HELZ2: variants seen among roughly 807,000 people sequenced by gnomAD.
HELZ2 encodes 3'-5' exoribonuclease HELZ2.
A neutral mutation model predicts 208.8 loss-of-function variants in HELZ2; 143 were observed. The ratio of observed to expected loss-of-function variants is 0.68; its 90% CI spans 0.60 to 0.79. The LOEUF is 0.79. Ranked by LOEUF, HELZ2 falls within the 30% of genes least tolerant of loss-of-function variation. The pLI is 0.00. For missense variants in HELZ2, 3,690 were observed against 3,794.5 expected, an observed-to-expected ratio of 0.97 and a Z score of 0.72; for synonymous variants, 1,705 against 1,693.7, an observed-to-expected ratio of 1.01 and a Z score of -0.16.
At chr20:63,558,698 C>T (rs2082841716), downstream of HELZ2, 1 of 152,352 alleles carries the variant, frequency 6.6e-6, no homozygotes, top group Non-Finnish European at 1.5e-5. Flanking sequence ...GCCACCACGC[C>T]CAGCTAATTT....
exon 8 of HELZ2, chr20:63,565,866 C>T (rs570462389): frequency 3.3e-5 from 52 of 1,597,698 alleles, no homozygotes; most frequent in Admixed American, 3.0e-4. Context: ...GCCTGCTCCT[C>T]GGCCAGGTCC....
rs549774081 is a variant in HELZ2, at chr20:63,560,853, C to A, written c.7223G>T (p.Arg2408Leu). 676 of 1,613,288 alleles carry A rather than the reference C, an allele frequency of 4.2e-4. 11 individuals are homozygous for A. The South Asian group carries it at 7.1e-3, about 17-fold the overall frequency. ...CTCGTGGTACCGCTCGAACAGAGAC[C>A]GGTCCAGACCCAGGTTTTGCAGCCG... The change falls in exon 15 of 19, where the codon CGG (arginine) becomes CTG (leucine). Residue 2408 changes from arginine (R) to leucine (L), a missense_variant. Physicochemically the swap from Arg to Leu is moderately radical, Grantham distance 102. Transcript: ENST00000467148.
exon 8 of HELZ2, chr20:63,564,491 C>T (rs761758512): frequency 5.0e-6 from 8 of 1,587,556 alleles, no homozygotes; most frequent in Admixed American, 1.8e-5. Flanking sequence ...GGGTGCAAAG[C>T]GCAGGCTCTT....
exon 16 of HELZ2, chr20:63,560,629 C>T (rs758330744): frequency 6.2e-7 from 1 of 1,610,808 alleles, no homozygotes; most frequent in Non-Finnish European, 8.5e-7. Flanking sequence ...GCGGCCTCCT[C>T]AGGCCCTGCC....
exon 8 of HELZ2, chr20:63,566,085 C>T (rs1275605703): frequency 2.5e-6 from 4 of 1,585,788 alleles, no homozygotes; most frequent in Non-Finnish European, 3.4e-6. Context: ...ACGGCGTCCC[C>T]CACTACCACC....
At chr20:63,565,288 C>G in exon 8 of HELZ2, 1 of 1,605,346 alleles carries the variant, frequency 6.2e-7, no homozygotes, top group Non-Finnish European at 8.5e-7. Context: ...CCTTGTCTCC[C>G]GAAAGGAGCT....
exon 8 of HELZ2, chr20:63,563,634 C>T: frequency 6.5e-7 from 1 of 1,544,030 alleles, no homozygotes; most frequent in Non-Finnish European, 8.7e-7. Flanking sequence ...AGCTGCACGG[C>T]CAGGTGCAGG....
Position 63,569,016 on chromosome 20 carries a change from G to T in HELZ2, c.1089-17C>A. The T allele has an allele frequency of 6.2e-7, 1 of 1,600,364 alleles. No individual in the cohort carries two copies. The highest frequency in any genetic ancestry group is 1.3e-5 in the African/African-American group (1 of 75,028). ...AGGGTCAGCCTGGCAGGATGGCCTG[G>T]GTCAGCTCATGGGGCCACAGCTGCC... On this transcript the variant is annotated splice_polypyrimidine_tract_variant and intron_variant, in intron 4 of 18. Coordinates refer to ENST00000467148, the Ensembl canonical transcript of HELZ2.
chr20:63,566,197 C>T (rs570451457), exon 8 of HELZ2: 3 of 1,514,234 alleles, frequency 2.0e-6, no homozygotes, highest in African/African-American at 1.4e-5. Context: ...GGCAGGTGTG[C>T]ACAGTGCTGA....
At position 63,563,356 on chromosome 20, in the gene HELZ2, G is replaced by A. The variant is rs768783601; in HGVS notation, c.5466C>T (p.Ala1822=). The change falls in exon 8 of 19, where the codon GCC becomes GCT. Residue 1822 remains alanine (A), a synonymous_variant. Coordinates refer to ENST00000467148, the Ensembl canonical transcript of HELZ2. ...GCTGCTTCCACAGGGCCGTCTCCAC[G>A]GCCAGGGTGTGTGGGTCCGGCACAG... 74 of 1,537,812 alleles carry A rather than the reference G, an allele frequency of 4.8e-5. No individual in the cohort carries two copies. The African/African-American group carries it at 6.7e-4, about 14-fold the overall frequency.
At chr20:63,567,436 T>C in exon 6 of HELZ2, 1 of 1,562,602 alleles carries the variant, frequency 6.4e-7, no homozygotes, top group Non-Finnish European at 8.7e-7. Context: ...CACCACGCGG[T>C]GCCGCGCCAG....
At chr20:63,568,312 G>C in intron 5 of HELZ2, 46 bp downstream of exon 6, 1 of 1,423,158 alleles carries the variant, frequency 7.0e-7, no homozygotes, top group South Asian at 1.2e-5. Context: ...GTGTAGACTT[G>C]GGCCGGGCGT....
rs754613670 is a variant in HELZ2, at chr20:63,564,454, C to T, written c.4368G>A (p.Leu1456=). 3 of 1,572,148 alleles carry T rather than the reference C, an allele frequency of 1.9e-6. No homozygotes were observed. The Admixed American group carries it at 5.5e-5, about 29-fold the overall frequency. Residue 1456 remains leucine (L), a synonymous_variant, in exon 8 of 19, where the codon CTG becomes CTA. Transcript: ENST00000467148. ...TCACCTCCTCCGCCTCCTCGTAGGA[C>T]AGCTGGCGGTCAGACTGGACCACGG... is the stretch of plus-strand genomic sequence containing the variant.
chr20:63,570,706 G>T (rs777892019), exon 2 of HELZ2: 2 of 1,590,638 alleles, frequency 1.3e-6, no homozygotes, highest in African/African-American at 2.8e-5. Context: ...CACTGCTGCT[G>T]CGCTGGTACT....
exon 6 of HELZ2, chr20:63,567,567 C>T (rs1425096711): frequency 1.3e-6 from 2 of 1,584,844 alleles, no homozygotes; most frequent in African/African-American, 1.3e-5. Context: ...GAGGAGTGGC[C>T]TCGGGGTGGC....
At chr20:63,567,162 C>T (rs756138675) in exon 6 of HELZ2, 20 of 1,609,664 alleles carry the variant, frequency 1.2e-5, no homozygotes, top group Middle Eastern at 3.3e-4. Context: ...GGCTCTGCCG[C>T]GCCACCTCGT....
At chr20:63,564,125 A>G in exon 8 of HELZ2, 1 of 1,611,466 alleles carries the variant, frequency 6.2e-7, no homozygotes, top group Non-Finnish European at 8.5e-7. Context: ...CTTCTCACAC[A>G]GGGCCTTGAG....
upstream of HELZ2, chr20:63,574,161 C>T (rs1372227729): frequency 2.0e-5 from 3 of 151,032 alleles, no homozygotes; most frequent in South Asian, 2.1e-4. Context: ...CCCGCCCCTC[C>T]GCCCTGGGAC....
In HELZ2 at chr20:63,560,259, G is replaced by A. The variant is rs1022125699; in HGVS notation, c.7569C>T (p.Pro2523=). ...TGATCTCAGAGGCCTGCGCGTTGTA[G>A]GGCGTGAGGACGGCGATGTCCTGGG... The change falls in exon 17 of 19, where the codon CCC becomes CCT. Residue 2523 remains proline (P), a synonymous_variant. Coordinates refer to ENST00000467148, the Ensembl canonical transcript of HELZ2. 4.5e-6 allele frequency: 7 copies of A among 1,563,408 alleles called. No homozygotes were observed. The African/African-American group carries it at 8.1e-5, about 18-fold the overall frequency.
Sources: allele counts gnomAD v4.1 joint callset, GRCh38; gene constraint gnomAD v4.1.1; transcripts MANE v1.5; gene names NCBI Gene and HGNC (gene_info 2026-07-23, HGNC 2026-07-21).